Variants in TNN observed in about 807,000 individuals in gnomAD.
TNN encodes the protein tenascin N.
A neutral mutation model predicts 134.4 loss-of-function variants in TNN; 122 were observed. That is an observed-to-expected ratio of 0.91 (90% confidence interval 0.78 to 1.06). The LOEUF (loss-of-function observed/expected upper bound fraction) is 1.06. Ranked by LOEUF, TNN falls within the 50% of genes least tolerant of loss-of-function variation. The pLI is 0.00. For synonymous variants in TNN, 710 were observed against 670.3 expected, an observed-to-expected ratio of 1.06 and a Z score of -0.91; for missense variants, 1,739 against 1,699.4, an observed-to-expected ratio of 1.02 and a Z score of -0.41.
chr1:175,081,180 T>A (rs1490031033), intron 4 of TNN, among the ~76,000 whole-genome samples: 1 of 152,220 alleles, frequency 6.6e-6, no homozygotes, highest in Non-Finnish European at 1.5e-5. Context: ...CAGAACAAGA[T>A]GGAGGATGGT....
At chr1:175,095,870 C>T (rs930840026) in intron 7 of TNN, among the ~76,000 whole-genome samples, 3 of 152,238 alleles carry the variant, frequency 2.0e-5, no homozygotes, top group East Asian at 3.8e-4. Context: ...CCACCACGCC[C>T]GGCCCATTTT....
At position 175,093,299 on chromosome 1, in the gene TNN, G is replaced by A. The variant is rs572579134; in HGVS notation, c.1325-691G>A. 2.0e-5 allele frequency among the ~76,000 whole-genome samples: 3 copies of A among 152,340 alleles called. No individual in the cohort carries two copies. In the East Asian group the frequency reaches 5.8e-4, roughly 29 times the overall value. ...AAAATGAGAGATTTTCTAAGGTCAT[G>A]GGCTCAGGATATGTTCTTGGGAAGC... On this transcript the variant is annotated intron_variant, in intron 6 of 18. Transcript: ENST00000239462.
intron 15 of TNN, among the ~76,000 whole-genome samples, chr1:175,131,917 TACACACACACACAC>T (rs3028571): frequency 3.7e-5 from 5 of 136,424 alleles, no homozygotes; most frequent in Non-Finnish European, 4.7e-5. Flanking sequence ...GAAGTATTAT[TACACACACACACAC>T]ACACACACAC....
In TNN at chr1:175,136,823, C is replaced by G. The variant is rs1675823182; in HGVS notation, c.3430C>G (p.Leu1144Val). 6.2e-7 allele frequency: 1 copy of G among 1,612,982 alleles called. No homozygotes were observed. Reference protein sequence around the residue: ...GDPMKEFWLGLDKLHNLTTGT... With the variant: ...GDPMKEFWLGVDKLHNLTTGT... ...GGAATTCCGTTTTTTATTTTTAGGA[C>G]TTGACAAGCTACACAACCTCACCAC... Residue 1144 changes from leucine (L) to valine (V), a missense_variant and splice_region_variant, in exon 17 of 19, where the codon CTT becomes GTT. Coordinates refer to ENST00000239462, the MANE Select transcript of TNN (RefSeq NM_022093.2).
intron 16 of TNN, among the ~76,000 whole-genome samples, chr1:175,136,232 A>G (rs890188468): frequency 5.3e-5 from 8 of 152,188 alleles, no homozygotes; most frequent in African/African-American, 1.9e-4. Context: ...AAAAAAGTTC[A>G]GTGATTGGGA....
At chr1:175,075,218 A>G (rs1286552816) in intron 1 of TNN, among the ~76,000 whole-genome samples, 1 of 152,228 alleles carries the variant, frequency 6.6e-6, no homozygotes, top group East Asian at 1.9e-4. Flanking sequence ...CATTTTACAT[A>G]TTACTAGAAT....
intron 18 of TNN, among the ~76,000 whole-genome samples, chr1:175,145,055 T>G (rs1269885984): frequency 2.0e-5 from 3 of 152,126 alleles, no homozygotes; most frequent in African/African-American, 4.8e-5. Context: ...TGATCTCTTC[T>G]TCATATAGGG....
chr1:175,079,738 G>A (rs748495804), intron 3 of TNN, 31 bp downstream of exon 3: 2 of 1,542,594 alleles, frequency 1.3e-6, no homozygotes, highest in Non-Finnish European at 8.7e-7. Flanking sequence ...TCGGGCCGCC[G>A]GACTCTTCTT....
intron 17 of TNN, among the ~76,000 whole-genome samples, chr1:175,137,397 T>TGA (rs10638677): frequency 0.02 from 3,056 of 149,464 alleles, 49 homozygotes; most frequent in African/African-American, 0.038. Flanking sequence ...TGTGTGATTA[T>TGA]TTGAGCTTTT....
At chr1:175,119,634 TTTTC>T (rs1169156618) in intron 11 of TNN, among the ~76,000 whole-genome samples, 3 of 144,542 alleles carry the variant, frequency 2.1e-5, no homozygotes, top group African/African-American at 8.4e-5. Flanking sequence ...AATGCCTTTT[TTTTC>T]TTTTTTTTTT....
At chr1:175,070,595 C>A (rs1673891324) in intron 1 of TNN, among the ~76,000 whole-genome samples, 1 of 152,192 alleles carries the variant, frequency 6.6e-6, no homozygotes, top group African/African-American at 2.4e-5. Context: ...AACCAAATTT[C>A]CATTCTCTTC....
At position 175,122,218 on chromosome 1, in the gene TNN, CA is replaced by C. The variant is rs10636029; in HGVS notation, c.2651-1170del. ...CCAGCCTGGTGAAATCCTGTCTTTA[CA>C]AAAAAAAAAAATACAAAAATTGGCT... On this transcript the variant is annotated intron_variant, in intron 11 of 18. Coordinates refer to ENST00000239462, the MANE Select transcript of TNN (RefSeq NM_022093.2). Among the ~76,000 whole-genome samples, 90 of 144,640 alleles carry C rather than the reference CA, an allele frequency of 6.2e-4. No individual in the cohort carries two copies. The South Asian group carries it at 0.012, about 19-fold the overall frequency. The allele number at this position is 144,640 out of a possible 152,430, so 94.9% of individuals were successfully genotyped here.
rs964646748 is a variant in TNN at position 175,108,624 on chromosome 1, A to G, written c.2120-8315A>G. 9.8e-5 allele frequency among the ~76,000 whole-genome samples: 15 copies of G among 152,370 alleles called. No individual in the cohort carries two copies. The South Asian group carries it at 2.1e-3, about 21-fold the overall frequency. On this transcript the variant is annotated intron_variant, in intron 9 of 18. Coordinates refer to ENST00000239462, the MANE Select transcript of TNN (RefSeq NM_022093.2). ...CCCCGTGGGAAGGCAGCTAAGGCTC[A>G]GCGAGAAATCGAGCGTAGCGCCGGT...
In TNN at chr1:175,137,107, C is replaced by G. The variant is rs1222748754; in HGVS notation, c.3595+119C>G. 1.4e-5 allele frequency: 15 copies of G among 1,078,790 alleles called. No individual in the cohort carries two copies. The South Asian group carries it at 2.2e-4, about 16-fold the overall frequency. The allele number at this position is 1,078,790 out of a possible 1,614,324, so 66.8% of individuals were successfully genotyped here. ...TTATTCTGTGGAGGTGAATTGTTCT[C>G]ATTGACAGTGGAGGTCCTACTCTCT... On this transcript the variant is annotated intron_variant, in intron 17 of 18. Transcript: ENST00000239462.
intron 15 of TNN, among the ~76,000 whole-genome samples, chr1:175,131,917 T>TACTTACACACAC (rs752118880): frequency 2.2e-5 from 3 of 136,338 alleles, no homozygotes; most frequent in African/African-American, 8.5e-5. Flanking sequence ...GAAGTATTAT[T>TACTTACACACAC]ACACACACAC....
At chr1:175,118,973 AAAACAAAAAACAAACAAAG>A in intron 11 of TNN, 149 bp downstream of exon 11, 1 of 1,161,214 alleles carries the variant, frequency 8.6e-7, no homozygotes, top group Admixed American at 2.9e-5. Flanking sequence ...AAACAAAACA[AAAACAAAAAACAAACAAAG>A]AAACAAAAAA....
chr1:175,076,786 G>C (rs1674050861), intron 1 of TNN, among the ~76,000 whole-genome samples: 1 of 152,172 alleles, frequency 6.6e-6, no homozygotes, highest in African/African-American at 2.4e-5. Flanking sequence ...TCTGGGGTCA[G>C]ATTGCCTGGG....
chr1:175,068,205 G>T (rs889925013), intron 1 of TNN, among the ~76,000 whole-genome samples: 1 of 152,156 alleles, frequency 6.6e-6, no homozygotes, highest in African/African-American at 2.4e-5. Flanking sequence ...CGTCTGTGTT[G>T]TATCAGCTTC....
Position 175,118,650 on chromosome 1 carries a change from A to T in TNN, c.2476A>T (p.Arg826Trp). 3 of 1,614,180 alleles carry T rather than the reference A, an allele frequency of 1.9e-6. No homozygotes were observed. The highest frequency in any genetic ancestry group is 1.7e-6 in the Non-Finnish European group (2 of 1,180,036). Residue 826 changes from arginine to tryptophan, a missense_variant, in exon 11 of 19, where the codon AGG (arginine) becomes TGG (tryptophan). Coordinates refer to ENST00000239462, the MANE Select transcript of TNN (RefSeq NM_022093.2). Reference sequence around the variant, plus strand: ...GGACCCGGTGCAGGCCACCATTGACAGGTATGTGGTGCACTACACGTCTGC... The same window carrying T: ...GGACCCGGTGCAGGCCACCATTGACTGGTATGTGGTGCACTACACGTCTGC... ...SWDPVQATID[R>W]YVVHYTSANG...
Sources: gnomAD v4.1 joint callset for allele counts (sites outside exome capture counted in the v4.1 genomes callset) on GRCh38, gnomAD v4.1.1 for gene constraint, MANE v1.5 for transcripts, NCBI Gene and HGNC (gene_info 2026-07-23, HGNC 2026-07-21) for gene names.